ROBO2: variants seen among roughly 807,000 people sequenced by gnomAD.
ROBO2 encodes roundabout guidance receptor 2, also known as roundabout homolog 2.
A neutral mutation model predicts 160.8 loss-of-function variants in ROBO2; 53 were observed. The observed-to-expected ratio is 0.33, with a 90% CI of 0.26 to 0.41. The LOEUF (loss-of-function observed/expected upper bound fraction) is 0.41, where lower values mean the gene tolerates loss of function less well. Among genes scored for constraint, ROBO2 ranks in the 10% least tolerant of loss-of-function variants. ROBO2 has a pLI of 1.00. For missense variants in ROBO2, 1,577 were observed against 1,722.4 expected (o/e 0.92, Z 1.49); for synonymous variants, 664 against 611.7 (o/e 1.09, Z -1.26).
chr3:76,276,005 A>G (rs774255497), intron 2 of ROBO2, among the ~76,000 whole-genome samples: 1 of 152,068 alleles, frequency 6.6e-6, no homozygotes, highest in Non-Finnish European at 1.5e-5. Context: ...AAATACATAA[A>G]GGGATGCTGA....
chr3:76,623,883 T>G (rs1262995438), intron 2 of ROBO2, among the ~76,000 whole-genome samples: 1 of 152,090 alleles, frequency 6.6e-6, no homozygotes, highest in Non-Finnish European at 1.5e-5. Context: ...GTGACAAAAT[T>G]TTTGCTCTTT....
intron 2 of ROBO2, among the ~76,000 whole-genome samples, chr3:77,107,029 T>A (rs1377374670): frequency 6.6e-6 from 1 of 152,206 alleles, no homozygotes; most frequent in African/African-American, 2.4e-5. Flanking sequence ...ACTGGGTAGC[T>A]TTTTAGGAAA....
intron 2 of ROBO2, among the ~76,000 whole-genome samples, chr3:77,182,689 T>G (rs1403527146): frequency 6.6e-6 from 1 of 152,020 alleles, no homozygotes; most frequent in Non-Finnish European, 1.5e-5. Context: ...CAGTGCCATT[T>G]GTAGCTTTAT....
At chr3:76,491,712 T>G (rs2079834350) in intron 2 of ROBO2, among the ~76,000 whole-genome samples, 1 of 152,214 alleles carries the variant, frequency 6.6e-6, no homozygotes, top group African/African-American at 2.4e-5. Flanking sequence ...AAGGAGAATT[T>G]GAGCTTTCAG....
intron 2 of ROBO2, among the ~76,000 whole-genome samples, chr3:76,378,587 G>C (rs1052252885): frequency 6.6e-6 from 1 of 152,146 alleles, no homozygotes; most frequent in Non-Finnish European, 1.5e-5. Context: ...GGATGCACAA[G>C]AACACAAACA....
intron 2 of ROBO2, among the ~76,000 whole-genome samples, chr3:76,751,311 A>G (rs191663144): frequency 0.027 from 4,181 of 152,242 alleles, 87 homozygotes; most frequent in Non-Finnish European, 0.044. Flanking sequence ...TTCAAGATGG[A>G]TTAAAGACTT....
chr3:77,401,263 T>TTA (rs1553938229), intron 2 of ROBO2, among the ~76,000 whole-genome samples: 19,557 of 147,682 alleles, frequency 0.13, 1,379 homozygotes, highest in East Asian at 0.24. Context: ...TGTTTGTATT[T>TTA]AAAAAAAAAA....
At chr3:77,439,452 T>A (rs890328235) in intron 2 of ROBO2, among the ~76,000 whole-genome samples, 1 of 151,968 alleles carries the variant, frequency 6.6e-6, no homozygotes, top group African/African-American at 2.4e-5. Flanking sequence ...CCTCTTATGA[T>A]ATGAATTAGA....
At chr3:77,431,919 A>T (rs898941329) in intron 2 of ROBO2, among the ~76,000 whole-genome samples, 5 of 152,292 alleles carry the variant, frequency 3.3e-5, no homozygotes, top group African/African-American at 1.2e-4. Context: ...CAGGGTGAAA[A>T]TTCTAGGAAT....
intron 2 of ROBO2, among the ~76,000 whole-genome samples, chr3:77,436,104 T>A (rs2079255837): frequency 6.6e-6 from 1 of 151,488 alleles, no homozygotes; most frequent in Admixed American, 6.6e-5. Flanking sequence ...GTATGATATA[T>A]AATACATCTG....
At chr3:75,983,641 G>A (rs913182243) in intron 2 of ROBO2, among the ~76,000 whole-genome samples, 3 of 151,136 alleles carry the variant, frequency 2.0e-5, no homozygotes, top group Non-Finnish European at 3.0e-5. Flanking sequence ...ATTGAATATT[G>A]GTTGTTTCCT....
intron 2 of ROBO2, among the ~76,000 whole-genome samples, chr3:76,830,223 A>T (rs2109304140): frequency 6.6e-6 from 1 of 152,232 alleles, no homozygotes; most frequent in South Asian, 2.1e-4. Flanking sequence ...TATTAGAAAA[A>T]GTGTCTGTGT....
intron 1 of ROBO2, among the ~76,000 whole-genome samples, chr3:77,053,208 G>C (rs1409600995): frequency 6.6e-6 from 1 of 152,110 alleles, no homozygotes; most frequent in Non-Finnish European, 1.5e-5. Context: ...AAATCCAAGG[G>C]AATGCTTTGC....
At chr3:76,406,579 C>T (rs1171978694) in intron 2 of ROBO2, among the ~76,000 whole-genome samples, 1 of 151,664 alleles carries the variant, frequency 6.6e-6, no homozygotes, top group African/African-American at 2.4e-5. Context: ...TCATTTTTTA[C>T]AATTAGGGCA....
At chr3:77,173,775 A>T (rs75847323) in intron 2 of ROBO2, among the ~76,000 whole-genome samples, 1 of 152,078 alleles carries the variant, frequency 6.6e-6, no homozygotes, top group Non-Finnish European at 1.5e-5. Context: ...TGAAAATGTT[A>T]TACCTAAAGG....
chr3:77,115,050 G>A (rs1471265551), intron 2 of ROBO2, among the ~76,000 whole-genome samples: 1 of 151,848 alleles, frequency 6.6e-6, no homozygotes. Context: ...CTGGTTATAT[G>A]TAACATCTTT....
At chr3:77,264,824 G>A (rs1453314238) in intron 2 of ROBO2, among the ~76,000 whole-genome samples, 2 of 152,070 alleles carry the variant, frequency 1.3e-5, no homozygotes, top group African/African-American at 2.4e-5. Context: ...TGAATAGAGA[G>A]TTGTCTTTTT....
Position 77,040,558 on chromosome 3 carries a change from A to G in ROBO2, c.-228A>G. 7.8e-6 allele frequency: 11 copies of G among 1,410,552 alleles called. 1 individual carries two copies. Among genetic ancestry groups the G allele is most frequent in the Non-Finnish European group, 8.3e-6 (9 of 1,087,380 alleles). The allele number at this position is 1,410,552 out of a possible 1,614,324, so 87.4% of individuals were successfully genotyped here. On this transcript the variant is annotated 5_prime_UTR_variant, in exon 1 of 26. The change creates a new upstream start codon in the 5' untranslated region. Coordinates refer to ENST00000461745, the Ensembl canonical transcript of ROBO2. ...TTTAGGAAGCCAGAGTGCTGGAAAT[A>G]CAGCAGCCTTTGAAGTACCCTCTGT...
rs766728789 is a variant in ROBO2, at chr3:77,644,748, G to A, written c.3979G>A (p.Gly1327Ser). ...TAGCAAGCCCAGTTTCCCATCTCCAGGTGGCCACAGCTCATCAGGAACAGC... is the reference window on the plus strand; with the variant it reads ...TAGCAAGCCCAGTTTCCCATCTCCAAGTGGCCACAGCTCATCAGGAACAGC... Residue 1327 changes from glycine to serine, a missense_variant, in exon 25 of 26, where the codon GGT (glycine) becomes AGT (serine). By Grantham distance (56) the Gly-to-Ser change is moderately conservative (BLOSUM62 0). This residue lies in a region of ROBO2 where 637 missense variants were observed against 586.9 expected (regional missense o/e 1.09). Transcript: ENST00000461745. 1.0e-4 allele frequency: 165 copies of A among 1,613,774 alleles called. No individual in the cohort carries two copies. In the Admixed American group the frequency reaches 2.7e-3, roughly 27 times the overall value.
Sources: gnomAD v4.1 joint callset for allele counts (sites outside exome capture counted in the v4.1 genomes callset) on GRCh38, gnomAD v4.1.1 for gene constraint, gnomAD v4.1.1 regional missense constraint, MANE v1.5 for transcripts, NCBI Gene and HGNC (gene_info 2026-07-23, HGNC 2026-07-21) for gene names.